ULK4: variants seen among roughly 807,000 people sequenced by gnomAD.
The protein encoded by ULK4 is unc-51 like kinase 4.
A neutral mutation model predicts 160.6 loss-of-function variants in ULK4; 133 were observed. The ratio of observed to expected loss-of-function variants is 0.83; its 90% CI spans 0.72 to 0.96. The LOEUF (loss-of-function observed/expected upper bound fraction) is 0.96, where lower values mean the gene tolerates loss of function less well. ULK4 is among the 40% of genes least tolerant of loss of function. ULK4 has a pLI of 0.00. For missense variants in ULK4, 1,580 were observed against 1,499.5 expected (o/e 1.05, Z -0.89); for synonymous variants, 534 against 539.8 (o/e 0.99, Z 0.15).
At chr3:41,898,610 T>C (rs994565669) in intron 13 of ULK4, 118 bp from the exon 14 acceptor site, 1 of 611,680 alleles carries the variant, frequency 1.6e-6, no homozygotes, top group African/African-American at 1.8e-5. Flanking sequence ...ATGTGCAAAA[T>C]TTGTTACCAA....
chr3:41,842,149 A>G (rs1252489081), intron 17 of ULK4, among the ~76,000 whole-genome samples: 4 of 151,320 alleles, frequency 2.6e-5, no homozygotes, highest in Non-Finnish European at 5.9e-5. Flanking sequence ...CAAAAAAAAA[A>G]AAAAGAAAAT....
intron 32 of ULK4, among the ~76,000 whole-genome samples, chr3:41,565,698 T>G (rs904737326): frequency 6.6e-5 from 10 of 152,232 alleles, no homozygotes; most frequent in Admixed American, 4.6e-4. Context: ...GATTTCTTTT[T>G]GTTTTAAATT....
chr3:41,467,939 A>T (rs1484939626), intron 32 of ULK4, among the ~76,000 whole-genome samples: 2 of 152,190 alleles, frequency 1.3e-5, no homozygotes, highest in Non-Finnish European at 2.9e-5. Context: ...AAATATACTT[A>T]AATTTAAAAA....
chr3:41,904,524 T>C (rs532717242), intron 12 of ULK4, among the ~76,000 whole-genome samples: 5 of 152,340 alleles, frequency 3.3e-5, no homozygotes, highest in Admixed American at 1.3e-4. Flanking sequence ...CTCAATAGAA[T>C]GATTATATAC....
chr3:41,458,331 T>C (rs958705144), intron 33 of ULK4, among the ~76,000 whole-genome samples: 2 of 152,178 alleles, frequency 1.3e-5, no homozygotes, highest in African/African-American at 4.8e-5. Context: ...CATCTTTACA[T>C]TGCGAACGTG....
chr3:41,441,718 G>C (rs2083174772), intron 34 of ULK4, among the ~76,000 whole-genome samples: 1 of 152,104 alleles, frequency 6.6e-6, no homozygotes, highest in African/African-American at 2.4e-5. Context: ...TTAGGTGGTA[G>C]TGTTGCTCAA....
At chr3:41,766,041 C>T (rs1239479987) in intron 21 of ULK4, among the ~76,000 whole-genome samples, 3 of 152,040 alleles carry the variant, frequency 2.0e-5, no homozygotes, top group Middle Eastern at 3.2e-3. Flanking sequence ...GAGGCCAAAG[C>T]GGGTGGATCA....
chr3:41,317,134 G>A (rs1274704593), intron 35 of ULK4, among the ~76,000 whole-genome samples: 1 of 131,548 alleles, frequency 7.6e-6, no homozygotes, highest in Admixed American at 8.8e-5. Context: ...GGACTGCAGT[G>A]GCGCAATCTC....
intron 32 of ULK4, among the ~76,000 whole-genome samples, chr3:41,543,577 T>C (rs1324853454): frequency 1.3e-5 from 2 of 152,154 alleles, no homozygotes; most frequent in East Asian, 1.9e-4. Flanking sequence ...TGTGGGATGT[T>C]TTTAATTACT....
At chr3:41,497,594 G>C (rs1475790704) in intron 32 of ULK4, among the ~76,000 whole-genome samples, 1 of 152,092 alleles carries the variant, frequency 6.6e-6, no homozygotes, top group African/African-American at 2.4e-5. Context: ...ACCTAGGCAA[G>C]TTAAAAGTCA....
intron 22 of ULK4, among the ~76,000 whole-genome samples, chr3:41,746,942 C>T (rs2038440918): frequency 6.6e-6 from 1 of 151,894 alleles, no homozygotes; most frequent in Non-Finnish European, 1.5e-5. Context: ...AATTAAATAT[C>T]CACAGGCAAA....
At chr3:41,314,084 C>T (rs542038877) in intron 35 of ULK4, among the ~76,000 whole-genome samples, 1 of 152,284 alleles carries the variant, frequency 6.6e-6, no homozygotes, top group South Asian at 2.1e-4. Context: ...TGAGATGTGC[C>T]AGCTGATGTC....
intron 35 of ULK4, among the ~76,000 whole-genome samples, chr3:41,392,628 G>C (rs1197424398): frequency 6.6e-6 from 1 of 152,104 alleles, no homozygotes; most frequent in Non-Finnish European, 1.5e-5. Context: ...TTGGGCACAG[G>C]AGGCTACTCT....
intron 32 of ULK4, among the ~76,000 whole-genome samples, chr3:41,515,804 T>C (rs888919215): frequency 6.6e-6 from 1 of 152,144 alleles, no homozygotes. Context: ...AAGGTGAGAT[T>C]TGGGTGAAGA....
chr3:41,960,628 G>C (rs1700633017), intron 1 of ULK4, among the ~76,000 whole-genome samples: 1 of 152,134 alleles, frequency 6.6e-6, no homozygotes, highest in African/African-American at 2.4e-5. Context: ...GCCTTCCAAA[G>C]TGCTAGGATT....
intron 16 of ULK4, among the ~76,000 whole-genome samples, 191 bp from the exon 17 acceptor site, chr3:41,884,143 A>C (rs1472565377): frequency 6.6e-6 from 1 of 152,248 alleles, no homozygotes; most frequent in South Asian, 2.1e-4. Flanking sequence ...ACTTAGGGAG[A>C]CACGAACCGT....
At chr3:41,675,878 T>A (rs2035695824) in intron 29 of ULK4, among the ~76,000 whole-genome samples, 1 of 152,228 alleles carries the variant, frequency 6.6e-6, no homozygotes, top group African/African-American at 2.4e-5. Context: ...CCTGAATTGT[T>A]AAAGAATGAA....
chr3:41,508,191 G>A (rs1228699326), intron 32 of ULK4, among the ~76,000 whole-genome samples: 9 of 152,090 alleles, frequency 5.9e-5, no homozygotes, highest in South Asian at 2.1e-4. Context: ...GGTGACCTGC[G>A]TGACTCAGCA....
At chr3:41,441,110 T>C (rs2083156755) in intron 34 of ULK4, among the ~76,000 whole-genome samples, 1 of 152,088 alleles carries the variant, frequency 6.6e-6, no homozygotes, top group Non-Finnish European at 1.5e-5. Context: ...TTACTTATGT[T>C]CTCCACTGTT....
Sources: gnomAD v4.1 joint callset for allele counts (sites outside exome capture counted in the v4.1 genomes callset) on GRCh38, gnomAD v4.1.1 for gene constraint, MANE v1.5 for transcripts, NCBI Gene and HGNC (gene_info 2026-07-23, HGNC 2026-07-21) for gene names.